The following RAB20 variants were observed in gnomAD, a reference collection of about 807,000 sequenced individuals.
RAB20 encodes the protein RAB20, member RAS oncogene family.
A neutral mutation model predicts 3.7 loss-of-function variants in RAB20; 2 were observed. The ratio of observed to expected loss-of-function variants is 0.54; its 90% CI spans 0.22 to 1.69. The LOEUF (loss-of-function observed/expected upper bound fraction) is 1.69, where lower values mean the gene tolerates loss of function less well. RAB20 is among the 40% of genes most tolerant of loss of function. RAB20 has a pLI of 0.19. For synonymous variants in RAB20, 126 were observed against 130.8 expected, an observed-to-expected ratio of 0.96 and a Z score of 0.25; for missense variants, 276 against 311.9, an observed-to-expected ratio of 0.88 and a Z score of 0.87.
rs187504194 is a variant in RAB20, at chr13:110,555,720, C to G, written c.172+5628G>C. 6.6e-6 allele frequency among the ~76,000 whole-genome samples: 1 copy of G among 152,244 alleles called. No homozygotes were observed. The highest frequency in any genetic ancestry group is 2.4e-5 in the African/African-American group (1 of 41,466). On this transcript the variant is annotated intron_variant, in intron 1 of 1. Coordinates refer to ENST00000267328, the MANE Select transcript of RAB20 (RefSeq NM_017817.3). The surrounding 1 kb of genome is among the most constrained non-coding windows in gnomAD (Gnocchi z 4.0). ...AGCCGGCCCCCTGCTCGACTCCAAACAGCAAAGGAAGAAATTCAATATGGC... is the reference window on the plus strand; with the variant it reads ...AGCCGGCCCCCTGCTCGACTCCAAAGAGCAAAGGAAGAAATTCAATATGGC...
intron 1 of RAB20, among the ~76,000 whole-genome samples, chr13:110,559,668 G>C (rs566108295): frequency 6.6e-6 from 1 of 152,238 alleles, no homozygotes; most frequent in Admixed American, 6.5e-5. Context: ...TCGGATGCCA[G>C]GAAATGAGCT....
intron 1 of RAB20, among the ~76,000 whole-genome samples, chr13:110,544,573 G>C (rs956276076): frequency 6.6e-6 from 1 of 152,190 alleles, no homozygotes; most frequent in Non-Finnish European, 1.5e-5. Flanking sequence ...TAAAAATAAA[G>C]ACACGTTAAA....
At chr13:110,530,137 A>G (rs112879128) in intron 1 of RAB20, among the ~76,000 whole-genome samples, 52 of 121,870 alleles carry the variant, frequency 4.3e-4, no homozygotes, top group East Asian at 1.8e-3. Context: ...CCACCTCTAC[A>G]CAGACACAGG....
Position 110,523,902 on chromosome 13 carries a change from G to C in RAB20, c.468C>G (p.Ala156=), listed in dbSNP as rs766418910. 5 of 1,614,124 alleles carry C rather than the reference G, an allele frequency of 3.1e-6. No individual in the cohort carries two copies. Among genetic ancestry groups the C allele is most frequent in the Non-Finnish European group, 3.4e-6 (4 of 1,180,042 alleles). ...PKQVQLEDAV[A]LYKKILKYKM... is the part of the protein sequence containing the mutation. ...TGTACTTGAGGATCTTTTTATAAAGGGCCACCGCATCCTCCAGCTGCACCT... is the reference window on the plus strand; with the variant it reads ...TGTACTTGAGGATCTTTTTATAAAGCGCCACCGCATCCTCCAGCTGCACCT... Residue 156 remains alanine (A), a synonymous_variant, in exon 2 of 2, where the codon GCC becomes GCG. Coordinates refer to ENST00000267328, the MANE Select transcript of RAB20 (RefSeq NM_017817.3).
intron 1 of RAB20, among the ~76,000 whole-genome samples, chr13:110,543,323 G>T (rs561717542): frequency 7.8e-4 from 119 of 152,128 alleles, no homozygotes; most frequent in African/African-American, 2.8e-3. Flanking sequence ...TAGAGACAGG[G>T]TCTCACTATG....
intron 1 of RAB20, among the ~76,000 whole-genome samples, chr13:110,556,102 T>C (rs1360247263): frequency 6.6e-6 from 1 of 152,178 alleles, no homozygotes; most frequent in Non-Finnish European, 1.5e-5. Context: ...AGGAGGAGCC[T>C]GATGCAAAAG....
chr13:110,548,248 C>G (rs950440535), intron 1 of RAB20, among the ~76,000 whole-genome samples: 1 of 152,168 alleles, frequency 6.6e-6, no homozygotes, highest in Non-Finnish European at 1.5e-5. Flanking sequence ...CTTTGGGAGG[C>G]CCAGGTGGGC....
At chr13:110,524,427 A>C (rs988941105) in intron 1 of RAB20, among the ~76,000 whole-genome samples, 8 of 152,160 alleles carry the variant, frequency 5.3e-5, no homozygotes, top group Admixed American at 1.3e-4. Context: ...GATGGGAAAC[A>C]GAATCCAAGA....
chr13:110,549,935 G>A (rs912186470), intron 1 of RAB20, among the ~76,000 whole-genome samples: 22 of 152,140 alleles, frequency 1.4e-4, no homozygotes, highest in African/African-American at 4.6e-4. Flanking sequence ...TGTTGGCCGG[G>A]CTGGTCTTGA....
At chr13:110,538,775 G>A (rs941238462) in intron 1 of RAB20, among the ~76,000 whole-genome samples, 19 of 152,126 alleles carry the variant, frequency 1.2e-4, no homozygotes, top group Admixed American at 5.2e-4. Context: ...GGGCGAGACC[G>A]TGAAAGAACC....
In RAB20 at chr13:110,561,650, T is replaced by C. The variant is rs1382480414; in HGVS notation, c.-131A>G. 14 of 1,395,026 alleles carry C rather than the reference T, an allele frequency of 1.0e-5. No homozygotes were observed. Among genetic ancestry groups the C allele is most frequent in the Non-Finnish European group, 1.3e-5 (14 of 1,068,606 alleles). 86.4% of individuals were successfully genotyped at this position (1,395,026 alleles called of 1,614,324 possible). On this transcript the variant is annotated 5_prime_UTR_variant, in exon 1 of 2. Coordinates refer to ENST00000267328, the MANE Select transcript of RAB20 (RefSeq NM_017817.3). ...GGATTCTCGTGAACGCTCCGGGACC[T>C]TCGCCTCCGGACGCCCGGGAGCTCA...
intron 1 of RAB20, among the ~76,000 whole-genome samples, chr13:110,526,052 G>T (rs940228172): frequency 2.0e-5 from 3 of 152,240 alleles, no homozygotes; most frequent in Non-Finnish European, 4.4e-5. Flanking sequence ...GTGCTCAGAC[G>T]CCATCCCAAG....
At chr13:110,544,785 A>G (rs1012215971) in intron 1 of RAB20, among the ~76,000 whole-genome samples, 1 of 152,212 alleles carries the variant, frequency 6.6e-6, no homozygotes, top group Admixed American at 6.5e-5. Context: ...GACGCACCAC[A>G]CACCCTCAAA....
intron 1 of RAB20, among the ~76,000 whole-genome samples, chr13:110,528,461 G>A (rs1035213932): frequency 2.0e-5 from 3 of 150,438 alleles, no homozygotes; most frequent in Admixed American, 6.6e-5. Context: ...ATGCTTCTTC[G>A]TCATTACCAC....
intron 1 of RAB20, among the ~76,000 whole-genome samples, chr13:110,545,379 T>C (rs1884834252): frequency 6.6e-6 from 1 of 152,202 alleles, no homozygotes; most frequent in East Asian, 1.9e-4. Context: ...TCTCCCAAAA[T>C]AGTGCCCATC....
chr13:110,527,487 A>G (rs1356365223), intron 1 of RAB20, among the ~76,000 whole-genome samples: 1 of 152,156 alleles, frequency 6.6e-6, no homozygotes, highest in South Asian at 2.1e-4. Context: ...TGCCAGTCTG[A>G]GGGTCAAAGT....
At position 110,548,825 on chromosome 13, in the gene RAB20, T is replaced by C. The variant is rs561908235; in HGVS notation, c.172+12523A>G. Among the ~76,000 whole-genome samples the C allele has an allele frequency of 8.8e-5, 13 of 146,988 alleles. No individual in the cohort carries two copies. The East Asian group carries it at 2.0e-3, about 23-fold the overall frequency. ...CAGCTTCCTCATCTGCACCGAGAGGTGAGGATAACACCAAGCACACAAAGT... is the reference window on the plus strand; with the variant it reads ...CAGCTTCCTCATCTGCACCGAGAGGCGAGGATAACACCAAGCACACAAAGT... On this transcript the variant is annotated intron_variant, in intron 1 of 1. Coordinates refer to ENST00000267328, the MANE Select transcript of RAB20 (RefSeq NM_017817.3).
At chr13:110,527,013 T>G (rs394529) in intron 1 of RAB20, among the ~76,000 whole-genome samples, 1 of 152,060 alleles carries the variant, frequency 6.6e-6, no homozygotes, top group African/African-American at 2.4e-5. Context: ...GGCCCCTTGG[T>G]CTGTGGGGCT....
chr13:110,542,165 G>C (rs1461771637), intron 1 of RAB20, among the ~76,000 whole-genome samples: 2 of 152,136 alleles, frequency 1.3e-5, no homozygotes, highest in South Asian at 2.1e-4. Context: ...CAGAACGCTT[G>C]CTGTATTTTA....
Sources: gnomAD v4.1 joint callset for allele counts (sites outside exome capture counted in the v4.1 genomes callset) on GRCh38, gnomAD v4.1.1 for gene constraint, Gnocchi (gnomAD v3.1) non-coding constraint, MANE v1.5 for transcripts, NCBI Gene and HGNC (gene_info 2026-07-23, HGNC 2026-07-21) for gene names.